PWP1: variants seen among roughly 807,000 people sequenced by gnomAD.
PWP1 encodes the protein PWP1 homolog, endonuclein, also known as periodic tryptophan protein 1 homolog.
In PWP1, 47 loss-of-function variants were observed where a neutral mutation model predicts 69.9. That is an observed-to-expected ratio of 0.67 (90% CI 0.53 to 0.86). PWP1 has a LOEUF of 0.86. Ranked by LOEUF, PWP1 falls within the 40% of genes least tolerant of loss-of-function variation. The pLI is 0.00. For synonymous variants in PWP1, 222 were observed against 208.2 expected (o/e 1.07, Z -0.57); for missense variants, 551 against 608.8 (o/e 0.91, Z 1.00).
chr12:107,706,625 C>T (rs980455490), intron 11 of PWP1, among the ~76,000 whole-genome samples: 2 of 152,254 alleles, frequency 1.3e-5, no homozygotes, highest in African/African-American at 2.4e-5. Flanking sequence ...TATGGCTAGC[C>T]AGTTTTCCCA....
chr12:107,686,521 G>A (rs548028042), intron 1 of PWP1, among the ~76,000 whole-genome samples: 3 of 152,206 alleles, frequency 2.0e-5, no homozygotes, highest in Non-Finnish European at 4.4e-5. Flanking sequence ...GGGAGGATGA[G>A]AGGTAAATGT....
At chr12:107,704,935 T>C (rs553766746) in intron 11 of PWP1, among the ~76,000 whole-genome samples, 188 bp downstream of exon 11, 1 of 152,308 alleles carries the variant, frequency 6.6e-6, no homozygotes, top group African/African-American at 2.4e-5. Context: ...GCAGTGAACA[T>C]GTAAATGATT....
chr12:107,698,935 TTTTA>T (rs1184708501), intron 7 of PWP1, among the ~76,000 whole-genome samples: 6 of 152,068 alleles, frequency 3.9e-5, no homozygotes, highest in Non-Finnish European at 7.4e-5. Context: ...GGAGACAAGG[TTTTA>T]TTTATTTTAT....
intron 11 of PWP1, among the ~76,000 whole-genome samples, chr12:107,708,291 G>A (rs1889869023): frequency 6.6e-6 from 1 of 152,130 alleles, no homozygotes; most frequent in Non-Finnish European, 1.5e-5. Flanking sequence ...CTCTTCCCTG[G>A]CCTAGCAGTC....
intron 1 of PWP1, 82 bp downstream of exon 1, chr12:107,686,053 G>A: frequency 6.7e-7 from 1 of 1,484,892 alleles, no homozygotes; most frequent in Non-Finnish European, 9.4e-7. Flanking sequence ...ACGTGGACCC[G>A]GAACTCGGGG....
chr12:107,709,226 G>GA lies in PWP1; in HGVS notation c.1288dup (p.Met430AsnfsTer12). On this transcript the variant is annotated frameshift_variant, in exon 13 of 15. Coordinates refer to ENST00000412830, the MANE Select transcript of PWP1 (RefSeq NM_007062.3). LOFTEE classifies it high-confidence loss of function. ...CAAGTCTAGTTCATTCTAGGGACATGAAAATGGTAAGAATCTCCCTGGGTA... is the reference window on the plus strand; with the variant it reads ...CAAGTCTAGTTCATTCTAGGGACATGAAAAATGGTAAGAATCTCCCTGGGTA... 6.2e-7 allele frequency: 1 copy of GA among 1,613,324 alleles called. No individual in the cohort carries two copies. Among genetic ancestry groups the GA allele is most frequent in the South Asian group, 1.1e-5 (1 of 90,978 alleles).
intron 11 of PWP1, among the ~76,000 whole-genome samples, chr12:107,708,447 T>G (rs1236112546): frequency 6.6e-6 from 1 of 152,208 alleles, no homozygotes; most frequent in Non-Finnish European, 1.5e-5. Context: ...TTCTTGACAG[T>G]GTAACAATGC....
rs762740936 is a variant in PWP1 at position 107,697,706 on chromosome 12, A to T, written c.744+109A>T. 5.6e-6 allele frequency: 6 copies of T among 1,072,826 alleles called. No homozygotes were observed. In the South Asian group the frequency reaches 7.8e-5, roughly 14 times the overall value. 66.5% of individuals were successfully genotyped at this position (1,072,826 alleles called of 1,614,324 possible). A position where few individuals can be genotyped will look rare whatever the true frequency, so the allele number is the denominator to read the frequency against. On this transcript the variant is annotated intron_variant, in intron 7 of 14. Coordinates refer to ENST00000412830, the MANE Select transcript of PWP1 (RefSeq NM_007062.3). ...TTTTCAATCAGGTATTCTTGGTGAG[A>T]TGGGGTAGGTAGTTATGAAATTATT...
chr12:107,699,809 T>C (rs1009360335), intron 8 of PWP1, among the ~76,000 whole-genome samples: 2 of 152,238 alleles, frequency 1.3e-5, no homozygotes, highest in Non-Finnish European at 2.9e-5. Flanking sequence ...CTTTAAATTA[T>C]GGCAAAATAC....
chr12:107,695,613 T>G (rs1889566712), intron 5 of PWP1, among the ~76,000 whole-genome samples: 1 of 152,240 alleles, frequency 6.6e-6, no homozygotes, highest in South Asian at 2.1e-4. Context: ...TGCTTAACAT[T>G]ACAGCTGTGA....
intron 5 of PWP1, among the ~76,000 whole-genome samples, chr12:107,694,318 C>T (rs560109471): frequency 1.3e-5 from 2 of 152,166 alleles, no homozygotes; most frequent in East Asian, 3.9e-4. Context: ...TTTGAAGATT[C>T]GAAGAGATTA....
Position 107,709,209 on chromosome 12 carries a change from G to C in PWP1, c.1267G>C (p.Val423Leu), listed in dbSNP as rs898507375. 5 of 1,613,854 alleles carry C rather than the reference G, an allele frequency of 3.1e-6. No homozygotes were observed. The highest frequency in any genetic ancestry group is 3.4e-6 in the Non-Finnish European group (4 of 1,179,792). The change falls in exon 13 of 15, where the codon GTT becomes CTT. Residue 423 changes from valine (V) to leucine (L), a missense_variant. Coordinates refer to ENST00000412830, the MANE Select transcript of PWP1 (RefSeq NM_007062.3). ...CATCTTAGGAGATAGGCCAAGTCTA[G>C]TTCATTCTAGGGACATGAAAATGGT... ...WDILGDRPSL[V>L]HSRDMKMGVL...
chr12:107,692,963 T>A lies in PWP1; in HGVS notation c.406-37T>A, dbSNP rs769744306. The A allele has an allele frequency of 1.9e-6, 3 of 1,613,270 alleles. No homozygotes were observed. In the Admixed American group the frequency reaches 5.0e-5, roughly 27 times the overall value. ...TGTTCAAAAAACCTTACTGGCTCTC[T>A]GCTTCTAGTCAATGACATTTTTTTC... On this transcript the variant is annotated intron_variant, in intron 4 of 14. Coordinates refer to ENST00000412830, the MANE Select transcript of PWP1 (RefSeq NM_007062.3).
intron 3 of PWP1, 102 bp downstream of exon 3, chr12:107,688,904 C>A: frequency 1.6e-6 from 2 of 1,216,562 alleles, no homozygotes; most frequent in Admixed American, 2.4e-5. Context: ...TTGTTCTTGA[C>A]ATCAGTAAGA....
At chr12:107,700,619 A>C (rs569525494) in intron 8 of PWP1, among the ~76,000 whole-genome samples, 2 of 152,262 alleles carry the variant, frequency 1.3e-5, no homozygotes, top group East Asian at 1.9e-4. Flanking sequence ...ACTGTGAATA[A>C]TGCTGCTATG....
Position 107,699,397 on chromosome 12 carries a change from G to C in PWP1, c.769G>C (p.Asp257His). 1 of 1,613,302 alleles carries C rather than the reference G, an allele frequency of 6.2e-7. No individual in the cohort carries two copies. Among genetic ancestry groups the C allele is most frequent in the Non-Finnish European group, 8.5e-7 (1 of 1,179,352 alleles). The change falls in exon 8 of 15, where the codon GAT (aspartate) becomes CAT (histidine). Residue 257 changes from aspartate (D) to histidine (H), a missense_variant. By Grantham distance (81) the Asp-to-His change is moderately conservative. Coordinates refer to ENST00000412830, the MANE Select transcript of PWP1 (RefSeq NM_007062.3). ...KKSSSAEGHT[D>H]AVLDLSWNKL... Reference sequence around the variant, plus strand: ...GAGTTCCTCAGCAGAAGGGCATACCGATGCTGTCCTTGACCTTTCATGGAA... The same window carrying C: ...GAGTTCCTCAGCAGAAGGGCATACCCATGCTGTCCTTGACCTTTCATGGAA...
chr12:107,700,060 G>C (rs1889676139), intron 8 of PWP1, among the ~76,000 whole-genome samples: 1 of 152,258 alleles, frequency 6.6e-6, no homozygotes, highest in South Asian at 2.1e-4. Context: ...CAGATCTTGT[G>C]AGACCCATTC....
intron 1 of PWP1, among the ~76,000 whole-genome samples, chr12:107,686,338 G>C (rs1445969398): frequency 6.6e-6 from 1 of 152,218 alleles, no homozygotes; most frequent in African/African-American, 2.4e-5. Flanking sequence ...GCATTTTCAA[G>C]CATAACTGGG....
intron 7 of PWP1, 45 bp from the exon 8 acceptor site, chr12:107,699,328 T>C: frequency 7.1e-7 from 1 of 1,398,974 alleles, no homozygotes; most frequent in Non-Finnish European, 1.0e-6. Flanking sequence ...AGTTTTATTA[T>C]GAGGGGGACT....
Sources: allele counts gnomAD v4.1 joint callset (sites outside exome capture counted in the v4.1 genomes callset), GRCh38; gene constraint gnomAD v4.1.1; transcripts MANE v1.5; gene names NCBI Gene and HGNC (gene_info 2026-07-23, HGNC 2026-07-21).